The following CNTN4 variants were observed in gnomAD, a reference collection of about 807,000 sequenced individuals.
CNTN4 encodes contactin 4.
In CNTN4, 77 loss-of-function variants were observed where a neutral mutation model predicts 122.5. The ratio of observed to expected loss-of-function variants is 0.63; its 90% CI spans 0.52 to 0.76. The LOEUF (loss-of-function observed/expected upper bound fraction) is 0.76, where lower values mean the gene tolerates loss of function less well. Among genes scored for constraint, CNTN4 ranks in the 30% least tolerant of loss-of-function variants. The pLI, the probability that CNTN4 is intolerant of heterozygous loss-of-function variation, is 0.00. For missense variants in CNTN4, 1,256 were observed against 1,259.1 expected, an observed-to-expected ratio of 1.00 and a Z score of 0.04; for synonymous variants, 512 against 447.0, an observed-to-expected ratio of 1.15 and a Z score of -1.83.
At chr3:3,051,605 G>C (rs1701281745) in intron 23 of CNTN4, among the ~76,000 whole-genome samples, 1 of 152,176 alleles carries the variant, frequency 6.6e-6, no homozygotes, top group Non-Finnish European at 1.5e-5. Context: ...GAATGTGCCT[G>C]AGGATTTATC....
chr3:2,818,128 C>T (rs550975517), intron 6 of CNTN4, among the ~76,000 whole-genome samples: 54 of 152,274 alleles, frequency 3.5e-4, no homozygotes, highest in Admixed American at 9.8e-4. Context: ...CCCAACAGGA[C>T]GGAAGCTGTG....
intron 7 of CNTN4, among the ~76,000 whole-genome samples, chr3:2,828,729 G>A (rs909051523): frequency 6.6e-6 from 1 of 151,806 alleles, no homozygotes; most frequent in Non-Finnish European, 1.5e-5. Flanking sequence ...AAAAAATCAG[G>A]AATTAAATAT....
At chr3:2,742,671 G>A (rs2089524440) in intron 5 of CNTN4, among the ~76,000 whole-genome samples, 1 of 152,062 alleles carries the variant, frequency 6.6e-6, no homozygotes, top group African/African-American at 2.4e-5. Flanking sequence ...GTGGAGTCGT[G>A]GTTCCTCAAA....
intron 2 of CNTN4, among the ~76,000 whole-genome samples, chr3:2,301,763 C>G (rs549232251): frequency 7.2e-5 from 11 of 152,174 alleles, no homozygotes; most frequent in Non-Finnish European, 7.3e-5. Flanking sequence ...GACTTCAGAC[C>G]GAATCCACTT....
intron 4 of CNTN4, among the ~76,000 whole-genome samples, chr3:2,643,195 A>G (rs2082971497): frequency 6.6e-6 from 1 of 152,022 alleles, no homozygotes. Context: ...TTTGTTTGAG[A>G]TGGAGTCTCT....
chr3:2,585,814 C>T (rs751485170), intron 4 of CNTN4, among the ~76,000 whole-genome samples: 27 of 147,878 alleles, frequency 1.8e-4, no homozygotes, highest in Admixed American at 4.1e-4. Context: ...ATTGTGCACA[C>T]GTACCCTAAA....
chr3:2,449,287 C>T (rs2048736695), intron 3 of CNTN4, among the ~76,000 whole-genome samples: 1 of 152,114 alleles, frequency 6.6e-6, no homozygotes, highest in Non-Finnish European at 1.5e-5. Context: ...CAGCTATTGA[C>T]TATTGTGAAT....
intron 3 of CNTN4, among the ~76,000 whole-genome samples, chr3:2,378,568 C>G (rs1267515281): frequency 1.3e-5 from 2 of 152,124 alleles, no homozygotes; most frequent in Non-Finnish European, 2.9e-5. Context: ...TTGGAACAAC[C>G]TATTTGTTAG....
At chr3:2,447,351 G>C (rs2048663875) in intron 3 of CNTN4, among the ~76,000 whole-genome samples, 1 of 152,016 alleles carries the variant, frequency 6.6e-6, no homozygotes, top group Admixed American at 6.5e-5. Flanking sequence ...TTAAGAGTTA[G>C]TGTTGTAATA....
intron 13 of CNTN4, among the ~76,000 whole-genome samples, chr3:2,932,561 G>A (rs1484804147): frequency 6.6e-6 from 1 of 151,998 alleles, no homozygotes; most frequent in African/African-American, 2.4e-5. Context: ...CTTGGCTCGT[G>A]GTCCCTTCGC....
intron 2 of CNTN4, among the ~76,000 whole-genome samples, chr3:2,148,472 GC>G (rs981972647): frequency 6.6e-6 from 1 of 151,894 alleles, no homozygotes; most frequent in African/African-American, 2.4e-5. Flanking sequence ...GACACAGGTT[GC>G]AGTGAGCTGA....
intron 4 of CNTN4, among the ~76,000 whole-genome samples, chr3:2,607,610 C>CCACACACACAGACACACACACACACACA (rs1553580834): frequency 3.4e-5 from 5 of 145,480 alleles, no homozygotes; most frequent in Admixed American, 6.9e-5. Context: ...ACATATGCAT[C>CCACACACACAGACACACACACACACACA]CACACACACA....
chr3:2,905,417 G>A (rs1396096753), intron 12 of CNTN4, among the ~76,000 whole-genome samples: 2 of 152,318 alleles, frequency 1.3e-5, no homozygotes, highest in Admixed American at 1.3e-4. Flanking sequence ...ACCTCTCACT[G>A]TGTTTGCACA....
chr3:2,584,354 C>T (rs1295491249), intron 4 of CNTN4, among the ~76,000 whole-genome samples: 1 of 151,994 alleles, frequency 6.6e-6, no homozygotes, highest in Admixed American at 6.6e-5. Flanking sequence ...ATCTATTCTT[C>T]CAAGTAGGAG....
chr3:2,785,900 C>CG (rs1261055764), intron 6 of CNTN4, among the ~76,000 whole-genome samples: 2 of 127,840 alleles, frequency 1.6e-5, no homozygotes, highest in South Asian at 3.5e-4. Flanking sequence ...ACGCTGCCCC[C>CG]CCCCGCCCCC....
At chr3:2,301,080 A>C (rs2042499206) in intron 2 of CNTN4, among the ~76,000 whole-genome samples, 1 of 152,116 alleles carries the variant, frequency 6.6e-6, no homozygotes. Flanking sequence ...TCCTTCTTTG[A>C]ATCCATTGCA....
At chr3:3,025,393 A>G (rs911057290) in intron 14 of CNTN4, among the ~76,000 whole-genome samples, 2 of 152,194 alleles carry the variant, frequency 1.3e-5, no homozygotes, top group South Asian at 4.1e-4. Flanking sequence ...TAGTTTCAAA[A>G]TGGTTAAAAC....
intron 2 of CNTN4, among the ~76,000 whole-genome samples, chr3:2,154,745 G>A (rs150883667): frequency 1.0e-3 from 158 of 152,254 alleles, no homozygotes; most frequent in African/African-American, 3.7e-3. Context: ...CTTATTCCAC[G>A]TTCAGAGGTT....
chr3:2,302,041 T>G (rs974214478), intron 2 of CNTN4, among the ~76,000 whole-genome samples: 10 of 152,230 alleles, frequency 6.6e-5, no homozygotes, highest in South Asian at 4.1e-4. Context: ...TCTGTCTAAA[T>G]TGGAACTGAT....
Sources: allele counts gnomAD v4.1 joint callset (sites outside exome capture counted in the v4.1 genomes callset), GRCh38; gene constraint gnomAD v4.1.1; transcripts MANE v1.5; gene names NCBI Gene and HGNC (gene_info 2026-07-23, HGNC 2026-07-21).